Variants in KRT86 observed in about 807,000 individuals in gnomAD.
The protein encoded by KRT86 is keratin, type II cuticular Hb6.
Under a neutral mutation model 41.2 loss-of-function variants are expected in KRT86, and 30 were observed. The ratio of observed to expected loss-of-function variants is 0.73; its 90% CI spans 0.54 to 0.99. The LOEUF is 0.99. Among genes scored for constraint, KRT86 ranks in the 50% least tolerant of loss-of-function variants. The probability of loss-of-function intolerance (pLI) is 0.00; values close to 1 mark genes in which losing one functional copy is unlikely to be tolerated. For synonymous variants in KRT86, 238 were observed against 238.1 expected (o/e 1.00, Z 0.00); for missense variants, 561 against 571.4 (o/e 0.98, Z 0.19).
intron 2 of KRT86, among the ~76,000 whole-genome samples, chr12:52,277,056 A>G (rs1438102987): frequency 6.6e-6 from 1 of 152,202 alleles, no homozygotes; most frequent in African/African-American, 2.4e-5. Flanking sequence ...TGGTTCCCCA[A>G]GCAGCAAATA....
At chr12:52,286,509 G>C (rs368288509) in intron 2 of KRT86, 8 of 1,550,916 alleles carry the variant, frequency 5.2e-6, no homozygotes, top group African/African-American at 2.7e-5. Flanking sequence ...AACCCCGAAG[G>C]CTGAGTCAAA....
In KRT86 at chr12:52,305,369, A is replaced by G; in HGVS notation, c.865A>G (p.Ser289Gly). ...KAQYDDIVTR[S>G]RAEAESWYRS... ...ACAGTACGATGACATTGTCACCCGT[A>G]GCCGGGCTGAGGCCGAGTCCTGGTA... The change falls in exon 7 of 11, where the codon AGC (serine) becomes GGC (glycine). Residue 289 changes from serine (S) to glycine (G), a missense_variant. Coordinates refer to ENST00000423955, the MANE Select transcript of KRT86 (RefSeq NM_001320198.2). 6.2e-7 allele frequency: 1 copy of G among 1,614,262 alleles called. No individual in the cohort carries two copies. Among genetic ancestry groups the G allele is most frequent in the South Asian group, 1.1e-5 (1 of 91,088 alleles).
intron 2 of KRT86, chr12:52,287,379 A>G (rs528219527): frequency 1.2e-6 from 2 of 1,604,006 alleles, no homozygotes; most frequent in Admixed American, 1.7e-5. Context: ...TCTGATGCTC[A>G]TCCAAATGAG....
chr12:52,305,009 G>T lies in KRT86; in HGVS notation c.717G>T (p.Leu239=). Residue 239 remains leucine, a synonymous_variant, in exon 6 of 11, where the codon CTG becomes CTT. Transcript: ENST00000423955. ...VEALIQEIDF[L]RRLYEEEIRV... ...CCCTGATCCAGGAGATCGACTTCCT[G>T]AGGCGGCTGTATGAGGAGGTGCGGG... The T allele has an allele frequency of 3.1e-6, 5 of 1,614,120 alleles. No homozygotes were observed. Among genetic ancestry groups the T allele is most frequent in the Non-Finnish European group, 4.2e-6 (5 of 1,179,976 alleles).
At chr12:52,288,581 T>C in intron 2 of KRT86, 1 of 1,152,604 alleles carries the variant, frequency 8.7e-7, no homozygotes, top group Non-Finnish European at 1.3e-6. Context: ...CCCATGCCTT[T>C]CCTCCCCTTC....
intron 2 of KRT86, chr12:52,291,414 A>G (rs1373978620): frequency 1.2e-6 from 2 of 1,611,556 alleles, no homozygotes; most frequent in South Asian, 1.1e-5. Context: ...CGCGGCCCGC[A>G]GGCCGAGATG....
At chr12:52,287,870 C>A in intron 2 of KRT86, 2 of 1,602,116 alleles carry the variant, frequency 1.2e-6, no homozygotes, top group Non-Finnish European at 1.7e-6. Flanking sequence ...AGATTGGCAG[C>A]CCTCTCTTCT....
chr12:52,279,600 C>T (rs1031786792), intron 2 of KRT86, among the ~76,000 whole-genome samples: 3 of 152,196 alleles, frequency 2.0e-5, no homozygotes, highest in Admixed American at 2.0e-4. Context: ...CACAGACAAA[C>T]CTGGCTGCGG....
chr12:52,287,794 T>A, intron 2 of KRT86: 1 of 1,613,530 alleles, frequency 6.2e-7, no homozygotes. Flanking sequence ...CAGATGATTT[T>A]GCAGGTTGTA....
chr12:52,280,876 A>G (rs940260706), intron 2 of KRT86, among the ~76,000 whole-genome samples: 4 of 151,960 alleles, frequency 2.6e-5, no homozygotes, highest in Non-Finnish European at 5.9e-5. Flanking sequence ...CAACAAGGGA[A>G]CTTTGTGGGA....
intron 2 of KRT86, among the ~76,000 whole-genome samples, chr12:52,298,228 T>A (rs1302281017): frequency 6.6e-6 from 1 of 152,168 alleles, no homozygotes; most frequent in Non-Finnish European, 1.5e-5. Context: ...AGGAGGGGCA[T>A]GTGTTTTGGG....
In KRT86 at chr12:52,308,692, G is replaced by C; in HGVS notation, c.*107G>C. On this transcript the variant is annotated 3_prime_UTR_variant, in exon 11 of 11. Coordinates refer to ENST00000423955, the MANE Select transcript of KRT86 (RefSeq NM_001320198.2). Reference sequence around the variant, plus strand: ...GCCGGCCTCCCAATAGCCGCCGCCCGCTGCCTGCACTCTAAGCGCCCTCCC... The same window carrying C: ...GCCGGCCTCCCAATAGCCGCCGCCCCCTGCCTGCACTCTAAGCGCCCTCCC... 7 of 1,100,440 alleles carry C rather than the reference G, an allele frequency of 6.4e-6. No individual in the cohort carries two copies. The South Asian group carries it at 9.7e-5, about 15-fold the overall frequency. The allele number at this position is 1,100,440 out of a possible 1,614,324, so 68.2% of individuals were successfully genotyped here. A position where few individuals can be genotyped will look rare whatever the true frequency, so the allele number is the denominator to read the frequency against.
chr12:52,306,385 C>T, intron 9 of KRT86, 105 bp downstream of exon 9: 5 of 1,555,030 alleles, frequency 3.2e-6, no homozygotes, highest in Non-Finnish European at 4.4e-6. Flanking sequence ...AACCTCCCCA[C>T]CCTGCAACCA....
chr12:52,281,263 C>T (rs1325567457), intron 2 of KRT86, among the ~76,000 whole-genome samples: 1 of 152,218 alleles, frequency 6.6e-6, no homozygotes, highest in African/African-American at 2.4e-5. Flanking sequence ...CAGAAGGGCA[C>T]TATAAGGTGT....
In KRT86 at chr12:52,308,239, C is replaced by A. The variant is rs1938561813; in HGVS notation, c.1254C>A (p.Cys418Ter). ...RLLEGEEQRLCEGVGSVNVCV... is the reference protein window; with the variant it reads ...RLLEGEEQRL ...TCGCCTTCTCTCCCTGCAGGCTGTG[C>A]GAGGGCGTCGGCTCGGTGAATGTCT... The change falls in exon 10 of 11, where the codon TGC (cysteine) becomes TGA (stop). Residue 418 changes from cysteine to a stop codon, truncating the protein, a stop_gained. Coordinates refer to ENST00000423955, the MANE Select transcript of KRT86 (RefSeq NM_001320198.2). LOFTEE classifies it high-confidence loss of function. 1.9e-6 allele frequency: 3 copies of A among 1,614,074 alleles called. No homozygotes were observed. The South Asian group carries it at 3.3e-5, about 18-fold the overall frequency.
chr12:52,285,362 T>TA lies in KRT86; in HGVS notation c.-5+9430dup, dbSNP rs55722924. 2.0e-3 allele frequency among the ~76,000 whole-genome samples: 299 copies of TA among 148,814 alleles called. 3 individuals are homozygous for TA. Among genetic ancestry groups the TA allele is most frequent in the African/African-American group, 6.8e-3 (278 of 40,626 alleles). On this transcript the variant is annotated intron_variant, in intron 2 of 10. Transcript: ENST00000423955. ...TCCAAAACCCCAGAGTGATGCCATTTAAAAAAAAAAAAAAGAAAGCCAACA... is the reference window on the plus strand; with the variant it reads ...TCCAAAACCCCAGAGTGATGCCATTTAAAAAAAAAAAAAAAGAAAGCCAACA...
Position 52,308,594 on chromosome 12 carries a change from C to T in KRT86, c.*9C>T, listed in dbSNP as rs1306352540. 6.3e-7 allele frequency: 1 copy of T among 1,593,694 alleles called. No individual in the cohort carries two copies. The highest frequency in any genetic ancestry group is 8.5e-7 in the Non-Finnish European group (1 of 1,177,882). On this transcript the variant is annotated 3_prime_UTR_variant, in exon 11 of 11. Coordinates refer to ENST00000423955, the MANE Select transcript of KRT86 (RefSeq NM_001320198.2). ...GCTGTAAGAGGTGCTAGGAGGCTGC[C>T]GCCTCCGCCAGCGCCTGTCGCCGTC...
intron 5 of KRT86, 103 bp from the exon 6 acceptor site, chr12:52,304,829 G>T (rs1938464851): frequency 1.6e-6 from 2 of 1,267,174 alleles, no homozygotes; most frequent in South Asian, 1.2e-5. Flanking sequence ...ATGAGACACT[G>T]GGGACTCCTT....
chr12:52,287,556 G>A (rs776563643), intron 2 of KRT86: 11 of 1,613,852 alleles, frequency 6.8e-6, no homozygotes, highest in Non-Finnish European at 9.3e-6. Context: ...CAATGGTTAG[G>A]CCCTCGGTCT....
Sources: allele counts gnomAD v4.1 joint callset (sites outside exome capture counted in the v4.1 genomes callset), GRCh38; gene constraint gnomAD v4.1.1; transcripts MANE v1.5; gene names NCBI Gene and HGNC (gene_info 2026-07-23, HGNC 2026-07-21).